RAVER2: variants seen among roughly 807,000 people sequenced by gnomAD.
RAVER2 encodes the protein ribonucleoprotein PTB-binding 2.
A neutral mutation model predicts 78.1 loss-of-function variants in RAVER2; 46 were observed. The ratio of observed to expected loss-of-function variants is 0.59; its 90% confidence interval spans 0.46 to 0.75. The LOEUF (loss-of-function observed/expected upper bound fraction) is 0.75. Ranked by LOEUF, RAVER2 falls within the 30% of genes least tolerant of loss-of-function variation. The pLI is 0.00. For synonymous variants in RAVER2, 311 were observed against 313.3 expected, an observed-to-expected ratio of 0.99 and a Z score of 0.08; for missense variants, 793 against 837.5, an observed-to-expected ratio of 0.95 and a Z score of 0.66.
chr1:64,800,679 A>G (rs932096576), intron 5 of RAVER2, among the ~76,000 whole-genome samples: 10 of 152,146 alleles, frequency 6.6e-5, no homozygotes, highest in African/African-American at 9.7e-5. Flanking sequence ...ATTGAAGTAG[A>G]TAATAGAATT....
intron 3 of RAVER2, among the ~76,000 whole-genome samples, chr1:64,780,013 T>G (rs1652585571): frequency 6.6e-6 from 1 of 152,094 alleles, no homozygotes. Flanking sequence ...ATGATTTTGT[T>G]TTTTGAAAGA....
chr1:64,823,899 T>C (rs1392594360), intron 11 of RAVER2, among the ~76,000 whole-genome samples: 2 of 149,718 alleles, frequency 1.3e-5, no homozygotes, highest in Non-Finnish European at 3.0e-5. Context: ...CTCCACCTCC[T>C]GGGTTCAAGT....
exon 9 of RAVER2, chr1:64,807,265 T>C (rs1237811051): frequency 1.9e-6 from 3 of 1,614,088 alleles, no homozygotes; most frequent in Non-Finnish European, 2.5e-6. Context: ...GTTACCATTC[T>C]TTCCAAATCA....
intron 9 of RAVER2, among the ~76,000 whole-genome samples, chr1:64,810,632 G>C (rs914344372): frequency 6.6e-6 from 1 of 152,302 alleles, no homozygotes; most frequent in African/African-American, 2.4e-5. Context: ...TGGGTGTGAA[G>C]TGGTGTCTCA....
At chr1:64,763,917 TACACACACACACACAC>T (rs58298918) in intron 1 of RAVER2, among the ~76,000 whole-genome samples, 1 of 133,736 alleles carries the variant, frequency 7.5e-6, no homozygotes, top group African/African-American at 2.7e-5. Context: ...AAAACAAAAA[TACACACACACACACAC>T]ACACACACAC....
chr1:64,774,206 C>G (rs1005982699), intron 2 of RAVER2, among the ~76,000 whole-genome samples: 8 of 152,134 alleles, frequency 5.3e-5, no homozygotes, highest in African/African-American at 1.9e-4. Context: ...TCAATTTTGG[C>G]TTTTGTTGCC....
intron 1 of RAVER2, among the ~76,000 whole-genome samples, chr1:64,761,735 A>T (rs977564751): frequency 3.3e-5 from 5 of 152,170 alleles, no homozygotes; most frequent in Admixed American, 2.0e-4. Flanking sequence ...TTAAAGATAT[A>T]AAAAAAGATG....
chr1:64,800,606 T>C (rs1359828840), intron 5 of RAVER2, among the ~76,000 whole-genome samples: 3 of 152,212 alleles, frequency 2.0e-5, no homozygotes, highest in African/African-American at 7.2e-5. Context: ...TTTAATTCCC[T>C]ATCACTTGCA....
chr1:64,805,727 A>G (rs1302368550), intron 8 of RAVER2, among the ~76,000 whole-genome samples: 1 of 152,150 alleles, frequency 6.6e-6, no homozygotes, highest in Non-Finnish European at 1.5e-5. Context: ...GTAAAAACAG[A>G]AGGGCCACCA....
intron 11 of RAVER2, among the ~76,000 whole-genome samples, chr1:64,829,104 A>G (rs1020985037): frequency 2.0e-5 from 3 of 152,302 alleles, no homozygotes; most frequent in East Asian, 3.9e-4. Context: ...TGTTAGCACC[A>G]TTGGGAAGCC....
Position 64,769,686 on chromosome 1 carries a change from CAG to C in RAVER2, c.316+966_316+967del, listed in dbSNP as rs1297960591. ...TGTGCTAAAGTAATTGGGGAAGTAA[CAG>C]AACCTCTTTCAACCTAGGTCTCAGA... On this transcript the variant is annotated intron_variant, in intron 2 of 11. Transcript: ENST00000294428. Among the ~76,000 whole-genome samples the C allele has an allele frequency of 2.6e-5, 4 of 152,176 alleles. No homozygotes were observed. The East Asian group carries it at 7.7e-4, about 29-fold the overall frequency.
At chr1:64,781,013 T>G (rs183625413) in intron 3 of RAVER2, among the ~76,000 whole-genome samples, 2 of 152,334 alleles carry the variant, frequency 1.3e-5, no homozygotes, top group Admixed American at 1.3e-4. Context: ...TCAGTATGTT[T>G]CACTGTCCAT....
chr1:64,753,610 G>A (rs1422712819), intron 1 of RAVER2, among the ~76,000 whole-genome samples: 1 of 129,672 alleles, frequency 7.7e-6, no homozygotes, highest in East Asian at 2.5e-4. Context: ...TGTAACCTCC[G>A]CCTCCCAGTT....
chr1:64,822,111 A>AC (rs1403370415), intron 11 of RAVER2, among the ~76,000 whole-genome samples: 1 of 152,104 alleles, frequency 6.6e-6, no homozygotes, highest in Non-Finnish European at 1.5e-5. Flanking sequence ...CAACAGTGAG[A>AC]CCCCGTCTCT....
In RAVER2 at chr1:64,745,297, C is replaced by G. The variant is rs1267445590; in HGVS notation, c.125C>G (p.Pro42Arg). The G allele has an allele frequency of 2.5e-5, 37 of 1,497,788 alleles. 1 individual carries two copies. In the East Asian group the frequency reaches 7.5e-4, roughly 30 times the overall value. 92.8% of individuals were successfully genotyped at this position (1,497,788 alleles called of 1,614,324 possible). A position where few individuals can be genotyped will look rare whatever the true frequency, so the allele number is the denominator to read the frequency against. ...TCAGCCGAAGCGCACGAGGGCGCCC[C>G]GGACCCGATGCCCGCCGCGCTGCAC... is the stretch of plus-strand genomic sequence containing the variant. The change falls in exon 1 of 12, where the codon CCG becomes CGG. Residue 42 changes from proline (P) to arginine (R), a missense_variant. Pro to Arg is a moderately radical substitution (Grantham distance 103, BLOSUM62 -2). Coordinates refer to ENST00000294428, the Ensembl canonical transcript of RAVER2. This position sits in a 1 kb window ranked among gnomAD's most constrained non-coding sequence, Gnocchi z 4.3.
chr1:64,812,643 A>G, intron 9 of RAVER2, 95 bp from the exon 10 acceptor site: 3 of 719,040 alleles, frequency 4.2e-6, no homozygotes, highest in Non-Finnish European at 6.8e-6. Context: ...TCATAAGTAC[A>G]CTAGATGTAT....
chr1:64,790,978 C>T (rs535621489), intron 5 of RAVER2, among the ~76,000 whole-genome samples: 1 of 152,308 alleles, frequency 6.6e-6, no homozygotes, highest in Admixed American at 6.5e-5. Context: ...GCCATGTGCA[C>T]TTCTGACCAA....
chr1:64,750,569 TCA>T (rs1212821822), intron 1 of RAVER2, among the ~76,000 whole-genome samples: 4 of 152,164 alleles, frequency 2.6e-5, no homozygotes, highest in African/African-American at 9.7e-5. Flanking sequence ...TGTTTATACA[TCA>T]GTATAAAAAA....
At position 64,831,030 on chromosome 1, in the gene RAVER2, T is replaced by G. The variant is rs781423664; in HGVS notation, c.*45T>G. On this transcript the variant is annotated 3_prime_UTR_variant, in exon 12 of 12. Transcript: ENST00000294428. Reference sequence around the variant, plus strand: ...ACCCCCTAAGGTTCTCTGCAGTATCTCTGCTGTTCATCGCTGCCTTAACTT... The same window carrying G: ...ACCCCCTAAGGTTCTCTGCAGTATCGCTGCTGTTCATCGCTGCCTTAACTT... 3 of 1,564,118 alleles carry G rather than the reference T, an allele frequency of 1.9e-6. No individual in the cohort carries two copies. The South Asian group carries it at 3.6e-5, about 19-fold the overall frequency.
Sources: allele counts gnomAD v4.1 joint callset (sites outside exome capture counted in the v4.1 genomes callset), GRCh38; gene constraint gnomAD v4.1.1; non-coding constraint Gnocchi (gnomAD v3.1); transcripts MANE v1.5; gene names NCBI Gene and HGNC (gene_info 2026-07-23, HGNC 2026-07-21).